CNTNAP2: variants seen among roughly 807,000 people sequenced by gnomAD.
CNTNAP2 encodes the protein contactin associated protein 2, also known as contactin-associated protein-like 2.
In CNTNAP2, 98 loss-of-function variants were observed where a neutral mutation model predicts 155.2. The ratio of observed to expected loss-of-function variants is 0.63; its 90% CI spans 0.54 to 0.75. The LOEUF is 0.75. Among genes scored for constraint, CNTNAP2 ranks in the 30% least tolerant of loss-of-function variants. CNTNAP2 has a pLI of 0.00. For missense variants in CNTNAP2, 1,727 were observed against 1,688.1 expected (o/e 1.02, Z -0.40); for synonymous variants, 651 against 631.2 (o/e 1.03, Z -0.47).
intron 13 of CNTNAP2, among the ~76,000 whole-genome samples, chr7:147,723,573 T>TC (rs1796598032): frequency 6.6e-6 from 1 of 151,882 alleles, no homozygotes; most frequent in Non-Finnish European, 1.5e-5. Context: ...ACTTTGTCTT[T>TC]TTTTTTTTAG....
chr7:146,550,414 T>TTG (rs1554447425), intron 1 of CNTNAP2, among the ~76,000 whole-genome samples: 1 of 124,770 alleles, frequency 8.0e-6, no homozygotes, highest in South Asian at 3.1e-4. Context: ...TTTTTTTTTT[T>TTG]TTTTTTTTTT....
chr7:147,685,331 A>G (rs552683678), intron 13 of CNTNAP2, among the ~76,000 whole-genome samples: 2 of 152,132 alleles, frequency 1.3e-5, no homozygotes, highest in East Asian at 3.9e-4. Context: ...CTGCAGAGTG[A>G]TGACTCTTGC....
chr7:147,065,412 C>T (rs903622985), intron 4 of CNTNAP2, among the ~76,000 whole-genome samples: 1 of 152,102 alleles, frequency 6.6e-6, no homozygotes, highest in Non-Finnish European at 1.5e-5. Flanking sequence ...CCTATTTGTT[C>T]TAACTAACTA....
intron 13 of CNTNAP2, among the ~76,000 whole-genome samples, chr7:147,698,266 G>GT (rs1796189801): frequency 6.6e-6 from 1 of 152,130 alleles, no homozygotes; most frequent in East Asian, 1.9e-4. Context: ...GAAATCAGGA[G>GT]TTTATACTTT....
At chr7:147,980,297 G>A (rs886941456) in intron 15 of CNTNAP2, among the ~76,000 whole-genome samples, 1 of 152,012 alleles carries the variant, frequency 6.6e-6, no homozygotes. Flanking sequence ...AAAGTATAGT[G>A]GTCATTGTTC....
intron 15 of CNTNAP2, among the ~76,000 whole-genome samples, chr7:148,105,401 C>A (rs987765111): frequency 6.6e-6 from 1 of 152,038 alleles, no homozygotes; most frequent in East Asian, 1.9e-4. Context: ...ATGGTAGCTG[C>A]ATGTTGCTGA....
At chr7:148,093,304 A>G (rs554034832) in intron 15 of CNTNAP2, among the ~76,000 whole-genome samples, 20 of 152,208 alleles carry the variant, frequency 1.3e-4, no homozygotes, top group Non-Finnish European at 2.6e-4. Context: ...TCGGAAAATC[A>G]CAATGTACGT....
At chr7:146,788,043 G>A (rs1010980527) in intron 2 of CNTNAP2, among the ~76,000 whole-genome samples, 10 of 152,264 alleles carry the variant, frequency 6.6e-5, no homozygotes, top group African/African-American at 1.4e-4. Flanking sequence ...CCACCCTACC[G>A]AGAAGCCCAG....
intron 13 of CNTNAP2, among the ~76,000 whole-genome samples, chr7:147,815,361 T>C (rs1798247518): frequency 1.3e-5 from 2 of 152,204 alleles, no homozygotes; most frequent in Non-Finnish European, 2.9e-5. Flanking sequence ...ATTCAGTTTG[T>C]TGGCAGAATC....
chr7:147,486,091 A>C, intron 11 of CNTNAP2, 50 bp downstream of exon 11: 56 of 1,508,726 alleles, frequency 3.7e-5, no homozygotes, highest in Middle Eastern at 1.7e-4. Context: ...TGAGAATCTC[A>C]AGTCTTGAGC....
chr7:146,213,811 C>G (rs1799072770), intron 1 of CNTNAP2, among the ~76,000 whole-genome samples: 2 of 152,156 alleles, frequency 1.3e-5, no homozygotes. Flanking sequence ...TCTGAATAAA[C>G]TAAATTTGGT....
At chr7:147,710,650 A>T (rs1364949522) in intron 13 of CNTNAP2, among the ~76,000 whole-genome samples, 1 of 152,170 alleles carries the variant, frequency 6.6e-6, no homozygotes, top group Non-Finnish European at 1.5e-5. Context: ...TTTTAGAACT[A>T]TAATCCTATA....
chr7:146,944,093 CT>C (rs1797108199), intron 3 of CNTNAP2, among the ~76,000 whole-genome samples: 1 of 151,734 alleles, frequency 6.6e-6, no homozygotes, highest in African/African-American at 2.4e-5. Flanking sequence ...ACTTTTCATA[CT>C]AGATTTGTGT....
chr7:146,965,041 A>T lies in CNTNAP2; in HGVS notation c.403-78866A>T, dbSNP rs1452616094. ...CATATGATATAAATCAAAGAAGCTT[A>T]TGCATAAATACTTAAATAATAAGTA... On this transcript the variant is annotated intron_variant, in intron 3 of 23. Coordinates refer to ENST00000361727, the MANE Select transcript of CNTNAP2 (RefSeq NM_014141.6). Among the ~76,000 whole-genome samples the T allele has an allele frequency of 2.6e-5, 4 of 152,238 alleles. No homozygotes were observed. In the East Asian group the frequency reaches 5.8e-4, roughly 22 times the overall value.
intron 14 of CNTNAP2, among the ~76,000 whole-genome samples, chr7:147,952,519 A>AT (rs1800953792): frequency 3.3e-5 from 5 of 152,040 alleles, no homozygotes; most frequent in Non-Finnish European, 7.4e-5. Context: ...GGCACATTAA[A>AT]TTGAACATAT....
chr7:147,132,133 T>A, intron 7 of CNTNAP2, 112 bp from the exon 8 acceptor site: 2 of 1,374,628 alleles, frequency 1.5e-6, no homozygotes, highest in Non-Finnish European at 2.0e-6. Flanking sequence ...TGAGTTTAGC[T>A]TAGGCTCAGG....
At chr7:147,348,510 A>G (rs1795916485) in intron 9 of CNTNAP2, among the ~76,000 whole-genome samples, 1 of 152,086 alleles carries the variant, frequency 6.6e-6, no homozygotes, top group Non-Finnish European at 1.5e-5. Flanking sequence ...GCTCACAAGT[A>G]TGAAGAGAAA....
At chr7:147,399,162 T>C (rs12155219) in intron 10 of CNTNAP2, among the ~76,000 whole-genome samples, 23,552 of 152,008 alleles carry the variant, frequency 0.15, 2,077 homozygotes, top group East Asian at 0.35. Context: ...AGGTCAAGAA[T>C]AGTTGAAGGA....
At chr7:148,099,899 G>A (rs1585124990) in intron 15 of CNTNAP2, among the ~76,000 whole-genome samples, 3 of 118,348 alleles carry the variant, frequency 2.5e-5, no homozygotes, top group African/African-American at 1.0e-4. Flanking sequence ...TTGAGACGGA[G>A]TCTCACTCTG....
Sources: allele counts gnomAD v4.1 joint callset (sites outside exome capture counted in the v4.1 genomes callset), GRCh38; gene constraint gnomAD v4.1.1; transcripts MANE v1.5; gene names NCBI Gene and HGNC (gene_info 2026-07-23, HGNC 2026-07-21).